TACC2: variants seen among roughly 807,000 people sequenced by gnomAD.
TACC2 encodes the protein transforming acidic coiled-coil-containing protein 2.
A neutral mutation model predicts 227.3 loss-of-function variants in TACC2; 137 were observed. That is an observed-to-expected ratio of 0.60 (90% CI 0.52 to 0.69). The LOEUF (loss-of-function observed/expected upper bound fraction) is 0.69, where lower values mean the gene tolerates loss of function less well. Ranked by LOEUF, TACC2 falls within the 30% of genes least tolerant of loss-of-function variation. The pLI, the probability that TACC2 is intolerant of heterozygous loss-of-function variation, is 0.00. For synonymous variants in TACC2, 1,523 were observed against 1,487.5 expected, an observed-to-expected ratio of 1.02 and a Z score of -0.55; for missense variants, 3,470 against 3,694.4, an observed-to-expected ratio of 0.94 and a Z score of 1.57.
chr10:122,077,034 G>A (rs574700406), intron 3 of TACC2, among the ~76,000 whole-genome samples: 1 of 148,918 alleles, frequency 6.7e-6, no homozygotes, highest in Admixed American at 6.8e-5. Context: ...AGAATTGCCT[G>A]AACCCAGGAG....
At chr10:122,133,440 T>C (rs1000192046) in intron 6 of TACC2, among the ~76,000 whole-genome samples, 6 of 152,300 alleles carry the variant, frequency 3.9e-5, no homozygotes, top group African/African-American at 1.4e-4. Context: ...TATGCATATA[T>C]AGGCACACAT....
intron 11 of TACC2, among the ~76,000 whole-genome samples, chr10:122,222,563 A>C (rs1299058457): frequency 6.6e-6 from 1 of 152,112 alleles, no homozygotes; most frequent in East Asian, 1.9e-4. Context: ...TGAAGGGAGG[A>C]ATGGGGACAC....
chr10:122,019,490 C>T (rs928664006), intron 1 of TACC2, among the ~76,000 whole-genome samples: 1 of 152,210 alleles, frequency 6.6e-6, no homozygotes, highest in East Asian at 1.9e-4. Context: ...TGGCGCAAGG[C>T]TCCTTGCAAA....
At chr10:122,073,994 A>G (rs1000059851) in intron 3 of TACC2, among the ~76,000 whole-genome samples, 4 of 150,596 alleles carry the variant, frequency 2.7e-5, no homozygotes, top group African/African-American at 4.9e-5. Context: ...GTTAGCCAGG[A>G]TGGTCTGGAT....
At chr10:122,109,793 C>T (rs899494609) in intron 5 of TACC2, among the ~76,000 whole-genome samples, 4 of 152,160 alleles carry the variant, frequency 2.6e-5, no homozygotes, top group Non-Finnish European at 5.9e-5. Context: ...GTGCCTTATC[C>T]GGTTCTCTCC....
At chr10:122,079,736 G>T (rs1415254481) in intron 3 of TACC2, among the ~76,000 whole-genome samples, 1 of 152,210 alleles carries the variant, frequency 6.6e-6, no homozygotes, top group East Asian at 1.9e-4. Flanking sequence ...TAAGAAGATT[G>T]TGTCCAGTGG....
At chr10:122,072,167 G>A (rs2078156229) in intron 3 of TACC2, among the ~76,000 whole-genome samples, 1 of 151,740 alleles carries the variant, frequency 6.6e-6, no homozygotes, top group African/African-American at 2.4e-5. Context: ...TAGTTAACCA[G>A]GATGGTCTCA....
intron 19 of TACC2, among the ~76,000 whole-genome samples, chr10:122,243,346 G>GT (rs1201014475): frequency 6.6e-6 from 1 of 152,104 alleles, no homozygotes; most frequent in African/African-American, 2.4e-5. Flanking sequence ...CTGGCACCTG[G>GT]TCCCCACCCC....
At chr10:122,032,516 G>C (rs1236315941) in intron 2 of TACC2, among the ~76,000 whole-genome samples, 1 of 152,156 alleles carries the variant, frequency 6.6e-6, no homozygotes, top group Non-Finnish European at 1.5e-5. Flanking sequence ...TGTGTCACTA[G>C]GGCAAAGGGT....
intron 19 of TACC2, among the ~76,000 whole-genome samples, chr10:122,245,772 G>A (rs914608582): frequency 6.6e-6 from 1 of 152,008 alleles, no homozygotes; most frequent in South Asian, 2.1e-4. Context: ...CTCCTTCTTG[G>A]GGGCTTTATA....
chr10:122,010,800 T>C lies in TACC2; in HGVS notation c.-45-11137T>C, dbSNP rs535909438. 6.6e-4 allele frequency among the ~76,000 whole-genome samples: 101 copies of C among 152,320 alleles called. 3 individuals carry two copies. In the South Asian group the frequency reaches 0.019, roughly 29 times the overall value. ...CTCTGGGGAAATCTTATCAGTTAGC[T>C]TTTGCAACATCACAAACCACCCCAA... On this transcript the variant is annotated intron_variant, in intron 1 of 22. Coordinates refer to ENST00000369005, the MANE Select transcript of TACC2 (RefSeq NM_206862.4).
intron 5 of TACC2, among the ~76,000 whole-genome samples, chr10:122,108,126 C>T (rs1013945714): frequency 5.3e-5 from 8 of 151,474 alleles, no homozygotes; most frequent in Non-Finnish European, 7.4e-5. Flanking sequence ...CTCCTGACCT[C>T]GTGATCCACC....
intron 2 of TACC2, among the ~76,000 whole-genome samples, chr10:122,049,829 G>A (rs1243193936): frequency 6.6e-6 from 1 of 151,762 alleles, no homozygotes; most frequent in Non-Finnish European, 1.5e-5. Flanking sequence ...CAACTAGTCT[G>A]TAGGAATATG....
At chr10:122,093,530 C>T (rs934543042) in intron 5 of TACC2, among the ~76,000 whole-genome samples, 6 of 152,288 alleles carry the variant, frequency 3.9e-5, no homozygotes, top group South Asian at 4.2e-4. Context: ...GGACAACAGA[C>T]CTCACCCCCG....
intron 3 of TACC2, among the ~76,000 whole-genome samples, chr10:122,059,667 G>A (rs1473181535): frequency 6.6e-6 from 1 of 152,146 alleles, no homozygotes; most frequent in Non-Finnish European, 1.5e-5. Flanking sequence ...CTCTGCTCCG[G>A]TGGGTAAATA....
At chr10:122,002,700 T>G (rs1404285394) in intron 1 of TACC2, among the ~76,000 whole-genome samples, 1 of 152,218 alleles carries the variant, frequency 6.6e-6, no homozygotes, top group Non-Finnish European at 1.5e-5. Flanking sequence ...TTTAGTGGTG[T>G]CATTTCTGGC....
chr10:122,163,562 T>A, intron 7 of TACC2: 2 of 994,302 alleles, frequency 2.0e-6, no homozygotes, highest in Non-Finnish European at 2.4e-6. Context: ...GATGATGACA[T>A]CATCGTGTCA....
At chr10:122,032,799 AAAT>A (rs1229985712) in intron 2 of TACC2, among the ~76,000 whole-genome samples, 1 of 152,192 alleles carries the variant, frequency 6.6e-6, no homozygotes, top group East Asian at 1.9e-4. Flanking sequence ...TCTCTACTAA[AAAT>A]ACAAAAATTA....
rs17103100 is a variant in TACC2 at position 122,135,344 on chromosome 10, G to C, written c.5699+2610G>C. On this transcript the variant is annotated intron_variant, in intron 6 of 22. Transcript: ENST00000369005. The stretch of plus-strand genomic sequence containing the variant: ...GTGTTACCTACAACCCTGACCAAGA[G>C]TGACCACAGAATGCAGGAGGGGACC... Among the ~76,000 whole-genome samples the C allele has an allele frequency of 1.7e-3, 259 of 152,338 alleles. 2 individuals are homozygous for C. The highest frequency in any genetic ancestry group is 9.1e-3 in the East Asian group (47 of 5,184).
Sources: gnomAD v4.1 joint callset for allele counts (sites outside exome capture counted in the v4.1 genomes callset) on GRCh38, gnomAD v4.1.1 for gene constraint, MANE v1.5 for transcripts, NCBI Gene and HGNC (gene_info 2026-07-23, HGNC 2026-07-21) for gene names.